Variants in KANSL2 observed in about 807,000 individuals in gnomAD.
KANSL2 encodes NSL complex protein NSL2.
Under a neutral mutation model 55.6 loss-of-function variants are expected in KANSL2, and 34 were observed. The ratio of observed to expected loss-of-function variants is 0.61; its 90% CI spans 0.46 to 0.81. The LOEUF (loss-of-function observed/expected upper bound fraction) is 0.81, where lower values mean the gene tolerates loss of function less well. Ranked by LOEUF, KANSL2 falls within the 40% of genes least tolerant of loss-of-function variation. The pLI, the probability that KANSL2 is intolerant of heterozygous loss-of-function variation, is 0.00. For synonymous variants in KANSL2, 209 were observed against 214.3 expected (o/e 0.98, Z 0.22); for missense variants, 502 against 609.9 (o/e 0.82, Z 1.86).
intron 5 of KANSL2, among the ~76,000 whole-genome samples, chr12:48,671,097 T>G (rs1176569536): frequency 6.6e-6 from 1 of 151,898 alleles, no homozygotes; most frequent in East Asian, 1.9e-4. Context: ...AAACCCCCCC[T>G]CTACTAAAAA....
chr12:48,681,689 T>C (rs1939928350), intron 1 of KANSL2, 48 bp from the exon 2 acceptor site: 1 of 1,611,964 alleles, frequency 6.2e-7, no homozygotes, highest in Non-Finnish European at 8.5e-7. Flanking sequence ...TTCCCGAAAA[T>C]TCCTGCTCCA....
At chr12:48,658,105 C>A (rs966114691) in intron 8 of KANSL2, among the ~76,000 whole-genome samples, 1 of 151,964 alleles carries the variant, frequency 6.6e-6, no homozygotes, top group African/African-American at 2.4e-5. Context: ...GTGGGGCGCA[C>A]CTGTAATCCC....
At chr12:48,674,750 A>C (rs545956985) in intron 4 of KANSL2, among the ~76,000 whole-genome samples, 1 of 152,040 alleles carries the variant, frequency 6.6e-6, no homozygotes, top group Non-Finnish European at 1.5e-5. Context: ...ACATGGCAAA[A>C]CAGCCTCTCT....
At chr12:48,655,181 T>TAA in intron 8 of KANSL2, 121 bp from the exon 9 acceptor site, 2 of 863,412 alleles carry the variant, frequency 2.3e-6, no homozygotes, top group Non-Finnish European at 3.3e-6. Context: ...CTACCTTTAA[T>TAA]AAAAAAAAAA....
chr12:48,677,784 CAAAAAAAA>C (rs56147873), intron 4 of KANSL2, among the ~76,000 whole-genome samples: 10 of 47,668 alleles, frequency 2.1e-4, no homozygotes, highest in African/African-American at 4.4e-4. Flanking sequence ...GACTCCATCT[CAAAAAAAA>C]AAAAAAAAAA....
chr12:48,671,108 TAAAAA>T (rs1387621306), intron 5 of KANSL2, among the ~76,000 whole-genome samples: 1 of 151,336 alleles, frequency 6.6e-6, no homozygotes. Context: ...CTACTAAAAA[TAAAAA>T]AATTAGCCGG....
chr12:48,662,175 G>A (rs893913858), intron 7 of KANSL2, among the ~76,000 whole-genome samples: 5 of 152,142 alleles, frequency 3.3e-5, no homozygotes, highest in Admixed American at 1.3e-4. Flanking sequence ...CGTGATCTCG[G>A]CTCACTGCAA....
chr12:48,672,433 A>ATT (rs1555155470), intron 4 of KANSL2, among the ~76,000 whole-genome samples: 3,118 of 120,258 alleles, frequency 0.026, 77 homozygotes, highest in East Asian at 0.11. Flanking sequence ...ATATATATAT[A>ATT]TTTTTTTTTT....
chr12:48,668,482 TGGAC>T (rs1332184004), intron 6 of KANSL2, among the ~76,000 whole-genome samples: 2 of 152,156 alleles, frequency 1.3e-5, no homozygotes, highest in African/African-American at 4.8e-5. Flanking sequence ...GATCCAAGAC[TGGAC>T]ATAGGGAGTT....
rs1396068350 is a variant in KANSL2, at chr12:48,671,841, G to A, written c.667C>T (p.Arg223Cys). The A allele has an allele frequency of 4.3e-6, 7 of 1,612,614 alleles. No individual in the cohort carries two copies. The highest frequency in any genetic ancestry group is 2.7e-5 in the African/African-American group (2 of 74,854). Residue 223 changes from arginine (R) to cysteine (C), a missense_variant, in exon 5 of 10, where the codon CGC (arginine) becomes TGC (cysteine). By Grantham distance (180) the Arg-to-Cys change is radical (BLOSUM62 -3). Coordinates refer to ENST00000420613, the MANE Select transcript of KANSL2 (RefSeq NM_017822.4). ...RLQHLLKEKK[R>C]RYLHNRKVEH... ...ACTTTGCGATTATGTAAGTATCGGC[G>A]CTTCTTCTCCTTGAGCAGATGCTGA...
intron 2 of KANSL2, among the ~76,000 whole-genome samples, chr12:48,680,455 G>C (rs1422175534): frequency 6.6e-6 from 1 of 152,066 alleles, no homozygotes; most frequent in Non-Finnish European, 1.5e-5. Context: ...GCCTCCCAAA[G>C]TGCTGGGATT....
rs1163266844 is a variant in KANSL2 at position 48,669,264 on chromosome 12, G to C, written c.718C>G (p.Leu240Val). Residue 240 changes from leucine (L) to valine (V), a missense_variant, in exon 6 of 10, where the codon CTC (leucine) becomes GTC (valine). Leu to Val is a conservative substitution (Grantham distance 32). Transcript: ENST00000420613. ...AAAAGTCCCTCTGGGCCAGTCAGGA[G>C]ACTACTGCCTAGAGTTACAAGAGTC... Reference protein sequence around the residue: ...KVEHEALGSSLLTGPEGLLAK... With the variant: ...KVEHEALGSSVLTGPEGLLAK... 3.2e-6 allele frequency: 5 copies of C among 1,568,010 alleles called. No homozygotes were observed. In the South Asian group the frequency reaches 5.9e-5, roughly 19 times the overall value.
At chr12:48,669,832 T>A (rs1426795009) in intron 5 of KANSL2, among the ~76,000 whole-genome samples, 1 of 151,940 alleles carries the variant, frequency 6.6e-6, no homozygotes, top group Non-Finnish European at 1.5e-5. Context: ...TCTTATTGCC[T>A]AGTGACATCA....
chr12:48,664,022 C>G (rs1261245512), intron 7 of KANSL2, among the ~76,000 whole-genome samples: 2 of 145,308 alleles, frequency 1.4e-5, no homozygotes. Flanking sequence ...TCAAGCGATT[C>G]TCCTGCCTCA....
chr12:48,658,808 A>G (rs1037765346), intron 8 of KANSL2: 1 of 152,230 alleles, frequency 6.6e-6, no homozygotes, highest in South Asian at 2.1e-4. Flanking sequence ...TACTATCTCC[A>G]AAACCAGCAA....
Position 48,664,546 on chromosome 12 carries a change from G to A in KANSL2, c.973+3147C>T, listed in dbSNP as rs530406997. ...GCCCGCCTCGGCCTCCCAAAGTGCC[G>A]GGATTACAGGCGTGAGCCACCGCAC... On this transcript the variant is annotated intron_variant, in intron 7 of 9. Transcript: ENST00000420613. 2.3e-3 allele frequency among the ~76,000 whole-genome samples: 344 copies of A among 148,878 alleles called. 3 individuals carry two copies. Among genetic ancestry groups the A allele is most frequent in the Middle Eastern group, 0.014 (4 of 278 alleles).
At chr12:48,670,982 G>A (rs565671265) in intron 5 of KANSL2, among the ~76,000 whole-genome samples, 20 of 152,104 alleles carry the variant, frequency 1.3e-4, no homozygotes, top group African/African-American at 2.7e-4. Flanking sequence ...AAAGCTTATA[G>A]GCCAGGCGCA....
chr12:48,666,642 G>A (rs1565606481), intron 7 of KANSL2, among the ~76,000 whole-genome samples: 3 of 151,132 alleles, frequency 2.0e-5, no homozygotes, highest in East Asian at 2.0e-4. Context: ...GCAGTGAGCC[G>A]AGATCACACC....
chr12:48,666,030 T>C lies in KANSL2; in HGVS notation c.973+1663A>G, dbSNP rs146255165. Among the ~76,000 whole-genome samples, 436 of 152,054 alleles carry C rather than the reference T, an allele frequency of 2.9e-3. 1 individual carries two copies. Among genetic ancestry groups the C allele is most frequent in the African/African-American group, 9.6e-3 (397 of 41,480 alleles). ...AAGTTCGAGACCAGCCTGGGAAACA[T>C]AGTGACACAACCTCTCTACAAAAAT... On this transcript the variant is annotated intron_variant, in intron 7 of 9. Coordinates refer to ENST00000420613, the MANE Select transcript of KANSL2 (RefSeq NM_017822.4).
Sources: gnomAD v4.1 joint callset for allele counts (sites outside exome capture counted in the v4.1 genomes callset) on GRCh38, gnomAD v4.1.1 for gene constraint, MANE v1.5 for transcripts, NCBI Gene and HGNC (gene_info 2026-07-23, HGNC 2026-07-21) for gene names.